Variants in NELL1 observed in about 807,000 individuals in gnomAD.
NELL1 encodes the protein protein kinase C-binding protein NELL1.
In NELL1, 76 loss-of-function variants were observed where a neutral mutation model predicts 107.4. The observed-to-expected ratio is 0.71, with a 90% CI of 0.59 to 0.86. The LOEUF (loss-of-function observed/expected upper bound fraction) is 0.86, where lower values mean the gene tolerates loss of function less well. NELL1 is among the 40% of genes least tolerant of loss of function. The pLI, the probability that NELL1 is intolerant of heterozygous loss-of-function variation, is 0.00. For synonymous variants in NELL1, 353 were observed against 341.2 expected, an observed-to-expected ratio of 1.03 and a Z score of -0.38; for missense variants, 1,024 against 1,005.5, an observed-to-expected ratio of 1.02 and a Z score of -0.25.
chr11:21,520,106 A>T (rs899202345), intron 15 of NELL1, among the ~76,000 whole-genome samples: 3 of 152,190 alleles, frequency 2.0e-5, no homozygotes, highest in African/African-American at 7.2e-5. Flanking sequence ...ACGCTGTCAA[A>T]GTAGCATGAT....
chr11:20,931,794 A>C (rs1459758542), intron 9 of NELL1, among the ~76,000 whole-genome samples: 4 of 150,890 alleles, frequency 2.7e-5, no homozygotes, highest in Admixed American at 2.6e-4. Context: ...ATTTTTTTTC[A>C]TTTTTTTTGT....
chr11:20,777,832 A>G (rs1185325981), intron 2 of NELL1, among the ~76,000 whole-genome samples: 3 of 151,730 alleles, frequency 2.0e-5, no homozygotes, highest in Admixed American at 6.6e-5. Flanking sequence ...TTTTTTGTTT[A>G]TATGTTTCTG....
chr11:21,343,531 C>A (rs1245569403), intron 14 of NELL1, among the ~76,000 whole-genome samples: 1 of 152,042 alleles, frequency 6.6e-6, no homozygotes, highest in African/African-American at 2.4e-5. Flanking sequence ...AGGACATTGC[C>A]TTCAAATCAT....
chr11:21,261,190 C>CT (rs557275008), intron 14 of NELL1, among the ~76,000 whole-genome samples: 205 of 141,908 alleles, frequency 1.4e-3, no homozygotes, highest in Non-Finnish European at 1.7e-3. Context: ...ATGAAATGGC[C>CT]TTTTTTTTTT....
intron 2 of NELL1, among the ~76,000 whole-genome samples, chr11:20,736,149 G>A (rs578112734): frequency 1.3e-5 from 2 of 152,298 alleles, no homozygotes; most frequent in South Asian, 2.1e-4. Flanking sequence ...GTCATCCACT[G>A]AGGGCAAGTG....
intron 16 of NELL1, among the ~76,000 whole-genome samples, chr11:21,551,734 C>G (rs1174120430): frequency 6.6e-6 from 1 of 151,192 alleles, no homozygotes; most frequent in Non-Finnish European, 1.5e-5. Flanking sequence ...TGTGGTGATT[C>G]CTCAGGGATC....
chr11:21,535,956 T>C (rs1049628552), intron 16 of NELL1, among the ~76,000 whole-genome samples: 2 of 152,116 alleles, frequency 1.3e-5, no homozygotes, highest in African/African-American at 4.8e-5. Context: ...GGAATGAAAA[T>C]GGAATATTAA....
intron 15 of NELL1, among the ~76,000 whole-genome samples, chr11:21,484,538 A>C (rs1487604062): frequency 6.6e-6 from 1 of 152,012 alleles, no homozygotes; most frequent in Non-Finnish European, 1.5e-5. Flanking sequence ...ACTCATAAGA[A>C]TATATATGTA....
intron 15 of NELL1, among the ~76,000 whole-genome samples, chr11:21,436,664 C>T (rs2156806): frequency 0.56 from 85,513 of 151,686 alleles, 26,491 homozygotes; most frequent in African/African-American, 0.82. Context: ...ATTATTTTTC[C>T]TCTACCTATT....
chr11:20,795,182 G>A (rs111451751), intron 3 of NELL1, among the ~76,000 whole-genome samples: 2,999 of 152,310 alleles, frequency 0.02, 102 homozygotes, highest in African/African-American at 0.068. Context: ...TTCTTTAAAC[G>A]AGGAGTGAAC....
chr11:21,284,078 G>A lies in NELL1; in HGVS notation c.1549+54624G>A, dbSNP rs1849056691. ...GACCTCCACCTCTGCCTCACATGAAGAGGAAATTCATAATGCCATCATGGC... is the reference window on the plus strand; with the variant it reads ...GACCTCCACCTCTGCCTCACATGAAAAGGAAATTCATAATGCCATCATGGC... On this transcript the variant is annotated intron_variant, in intron 14 of 19. Coordinates refer to ENST00000357134, the MANE Select transcript of NELL1 (RefSeq NM_006157.5). The A allele has an allele frequency of 2.4e-5, 9 of 373,598 alleles. 1 individual carries two copies. Among genetic ancestry groups the A allele is most frequent in the South Asian group, 1.6e-4 (8 of 49,816 alleles). 23.1% of individuals were successfully genotyped at this position (373,598 alleles called of 1,614,324 possible). A position where few individuals can be genotyped will look rare whatever the true frequency, so the allele number is the denominator to read the frequency against.
At chr11:21,120,323 G>C (rs1161900390) in intron 13 of NELL1, among the ~76,000 whole-genome samples, 1 of 152,060 alleles carries the variant, frequency 6.6e-6, no homozygotes, top group Non-Finnish European at 1.5e-5. Flanking sequence ...AAATATTTTT[G>C]ATGAAATTTT....
chr11:20,948,526 C>T (rs1439646576), intron 11 of NELL1, among the ~76,000 whole-genome samples: 2 of 151,830 alleles, frequency 1.3e-5, no homozygotes, highest in African/African-American at 4.8e-5. Flanking sequence ...TTGAAAAAGA[C>T]AATAGTTTAT....
chr11:20,717,619 T>C (rs1855283457), intron 2 of NELL1, among the ~76,000 whole-genome samples: 1 of 152,176 alleles, frequency 6.6e-6, no homozygotes, highest in Non-Finnish European at 1.5e-5. Context: ...TTTGTTTTTC[T>C]GTATCTGGCT....
chr11:20,918,385 A>G (rs1350381646), intron 6 of NELL1, 131 bp downstream of exon 6: 5 of 614,440 alleles, frequency 8.1e-6, no homozygotes, highest in Admixed American at 2.9e-5. Flanking sequence ...GTGAAAGAGA[A>G]CTTATTATCT....
intron 15 of NELL1, among the ~76,000 whole-genome samples, chr11:21,435,692 T>C (rs1434062855): frequency 6.6e-6 from 1 of 152,102 alleles, no homozygotes; most frequent in South Asian, 2.1e-4. Context: ...TCATGGTGTA[T>C]TATATGTTGG....
At chr11:21,180,700 C>A (rs1363944941) in intron 13 of NELL1, among the ~76,000 whole-genome samples, 5 of 151,786 alleles carry the variant, frequency 3.3e-5, no homozygotes, top group Admixed American at 2.6e-4. Context: ...GCTATGTATT[C>A]TGTACTGCCT....
intron 15 of NELL1, among the ~76,000 whole-genome samples, chr11:21,459,329 T>C (rs554621051): frequency 9.6e-5 from 11 of 114,082 alleles, no homozygotes; most frequent in African/African-American, 3.7e-4. Flanking sequence ...AGGGTTACAT[T>C]AATGAAAAGT....
intron 15 of NELL1, among the ~76,000 whole-genome samples, chr11:21,433,225 T>TA (rs1384350859): frequency 2.0e-4 from 31 of 152,276 alleles, no homozygotes; most frequent in African/African-American, 6.7e-4. Flanking sequence ...TTGTTATGGC[T>TA]AAATAGTATT....
Sources: allele counts gnomAD v4.1 joint callset (sites outside exome capture counted in the v4.1 genomes callset), GRCh38; gene constraint gnomAD v4.1.1; transcripts MANE v1.5; gene names NCBI Gene and HGNC (gene_info 2026-07-23, HGNC 2026-07-21).